KCNN2: variants seen among roughly 807,000 people sequenced by gnomAD.
The protein encoded by KCNN2 is small conductance calcium-activated potassium channel protein 2.
A neutral mutation model predicts 55.5 loss-of-function variants in KCNN2; 24 were observed. That is an observed-to-expected ratio of 0.43 (90% CI 0.31 to 0.61). The LOEUF (loss-of-function observed/expected upper bound fraction) is 0.61. KCNN2 is among the 20% of genes least tolerant of loss of function. The pLI, the probability that KCNN2 is intolerant of heterozygous loss-of-function variation, is 0.08. For missense variants in KCNN2, 754 were observed against 853.6 expected (o/e 0.88, Z 1.45); for synonymous variants, 431 against 336.1 (o/e 1.28, Z -3.09).
chr5:114,157,850 G>C (rs10076276), intron 1 of KCNN2, among the ~76,000 whole-genome samples: 30 of 139,712 alleles, frequency 2.1e-4, no homozygotes, highest in Admixed American at 8.9e-4. Context: ...TTTTGATGGG[G>C]TTTTTTTTTT....
At chr5:114,378,954 C>A (rs1758020189) in intron 2 of KCNN2, among the ~76,000 whole-genome samples, 1 of 152,158 alleles carries the variant, frequency 6.6e-6, no homozygotes, top group Non-Finnish European at 1.5e-5. Flanking sequence ...GAAGTTCTGG[C>A]AGCATGTATA....
At chr5:114,098,635 G>A (rs986380772) in intron 1 of KCNN2, among the ~76,000 whole-genome samples, 1 of 151,568 alleles carries the variant, frequency 6.6e-6, no homozygotes, top group Non-Finnish European at 1.5e-5. Flanking sequence ...TGAAAAAATT[G>A]TCTCCCACGA....
intron 7 of KCNN2, among the ~76,000 whole-genome samples, chr5:114,494,635 T>C (rs528300453): frequency 3.9e-5 from 6 of 152,196 alleles, no homozygotes; most frequent in Admixed American, 1.3e-4. Context: ...AAATATGATG[T>C]GGAGATGTAA....
intron 2 of KCNN2, among the ~76,000 whole-genome samples, chr5:114,240,767 A>G (rs1754601292): frequency 6.6e-6 from 1 of 152,168 alleles, no homozygotes; most frequent in Non-Finnish European, 1.5e-5. Context: ...TAATACAGAG[A>G]TAGCTGCTTA....
chr5:114,218,358 A>G (rs1754052281), intron 1 of KCNN2, among the ~76,000 whole-genome samples: 1 of 152,228 alleles, frequency 6.6e-6, no homozygotes, highest in Non-Finnish European at 1.5e-5. Context: ...CAGCAGGTGA[A>G]TGGATAAATA....
chr5:114,310,575 G>C (rs1161932714), intron 2 of KCNN2, among the ~76,000 whole-genome samples: 1 of 152,072 alleles, frequency 6.6e-6, no homozygotes, highest in East Asian at 1.9e-4. Context: ...GTACTCCAAA[G>C]GTTAATTTTT....
chr5:114,110,715 G>C (rs1272870692), intron 1 of KCNN2, among the ~76,000 whole-genome samples: 1 of 151,844 alleles, frequency 6.6e-6, no homozygotes, highest in Non-Finnish European at 1.5e-5. Context: ...CCTTAGTTTG[G>C]GATTTTGAAT....
chr5:114,079,361 C>A (rs935629589), intron 1 of KCNN2, among the ~76,000 whole-genome samples: 9 of 152,154 alleles, frequency 5.9e-5, no homozygotes, highest in Middle Eastern at 6.8e-3. Context: ...AAAAAATAGA[C>A]ATCAGTTATT....
chr5:114,460,736 A>T (rs115021978), intron 3 of KCNN2, among the ~76,000 whole-genome samples: 162 of 152,324 alleles, frequency 1.1e-3, no homozygotes, highest in African/African-American at 3.8e-3. Context: ...ATTACAACAT[A>T]CGTCAAATTA....
chr5:114,373,640 T>TTATTTATATATATATATATATATATA (rs1554084194), intron 2 of KCNN2, among the ~76,000 whole-genome samples: 1 of 56,710 alleles, frequency 1.8e-5, no homozygotes, highest in African/African-American at 5.3e-5. Context: ...TATGAAGATT[T>TTATTTATATATATATATATATATATA]TATATATATA....
At chr5:114,077,219 G>A (rs1387754082) in intron 1 of KCNN2, among the ~76,000 whole-genome samples, 1 of 152,222 alleles carries the variant, frequency 6.6e-6, no homozygotes, top group Non-Finnish European at 1.5e-5. Context: ...AGGCAACAGA[G>A]TTGTAAGCAG....
intron 2 of KCNN2, among the ~76,000 whole-genome samples, chr5:114,273,373 A>G (rs1580681505): frequency 6.6e-6 from 1 of 152,152 alleles, no homozygotes; most frequent in South Asian, 2.1e-4. Context: ...ATCTTTGGGT[A>G]TATGCCCAGT....
At chr5:114,056,645 A>T in intron 1 of KCNN2, 1 of 387,012 alleles carries the variant, frequency 2.6e-6, no homozygotes, top group East Asian at 3.7e-5. Context: ...ACCCACTCAT[A>T]CCTTAAAAAG....
At chr5:114,236,127 T>C (rs1269829084) in intron 2 of KCNN2, among the ~76,000 whole-genome samples, 1 of 152,186 alleles carries the variant, frequency 6.6e-6, no homozygotes, top group Admixed American at 6.6e-5. Flanking sequence ...TTCTCCTCTT[T>C]AGGTTTTGGT....
intron 3 of KCNN2, among the ~76,000 whole-genome samples, chr5:114,452,738 A>C (rs1454165059): frequency 6.6e-6 from 1 of 152,180 alleles, no homozygotes. Context: ...TCCAATATGC[A>C]GCTACAGGTG....
chr5:114,358,683 T>A (rs1757345788), upstream of KCNN2, among the ~76,000 whole-genome samples: 1 of 152,102 alleles, frequency 6.6e-6, no homozygotes, highest in Non-Finnish European at 1.5e-5. Flanking sequence ...TTCATTTCCT[T>A]CCTCTCTCCT....
intron 1 of KCNN2, among the ~76,000 whole-genome samples, chr5:114,093,636 C>T (rs7716936): frequency 0.42 from 63,916 of 151,956 alleles, 13,886 homozygotes; most frequent in East Asian, 0.65. Flanking sequence ...ACATTCCTGG[C>T]GGAAGGTGAG....
chr5:114,373,038 C>G (rs1173645279), intron 2 of KCNN2, among the ~76,000 whole-genome samples: 2 of 152,140 alleles, frequency 1.3e-5, no homozygotes, highest in East Asian at 1.9e-4. Context: ...TTATTTAAGA[C>G]AACTGATAGC....
chr5:114,142,183 G>C (rs189290536), intron 1 of KCNN2, among the ~76,000 whole-genome samples: 166 of 152,272 alleles, frequency 1.1e-3, no homozygotes, highest in African/African-American at 3.6e-3. Flanking sequence ...TGCTTTTGGT[G>C]TTTTAGACAT....
Sources: allele counts gnomAD v4.1 joint callset (sites outside exome capture counted in the v4.1 genomes callset), GRCh38; gene constraint gnomAD v4.1.1; transcripts MANE v1.5; gene names NCBI Gene and HGNC (gene_info 2026-07-23, HGNC 2026-07-21).